Variants in RANBP17 observed in about 807,000 individuals in gnomAD.
The protein encoded by RANBP17 is RAN binding protein 17.
In RANBP17, 158 loss-of-function variants were observed where a neutral mutation model predicts 141.2. That is an observed-to-expected ratio of 1.12 (90% confidence interval 0.98 to 1.28). RANBP17 has a LOEUF of 1.28. Among genes scored for constraint, RANBP17 ranks in the 50% most tolerant of loss-of-function variants. The pLI is 0.00. For synonymous variants in RANBP17, 430 were observed against 450.0 expected (o/e 0.96, Z 0.56); for missense variants, 1,438 against 1,290.7 (o/e 1.11, Z -1.75).
chr5:171,092,547 C>G (rs1786376778), intron 14 of RANBP17, among the ~76,000 whole-genome samples: 1 of 152,170 alleles, frequency 6.6e-6, no homozygotes, highest in Admixed American at 6.6e-5. Flanking sequence ...CTCCAGTTAC[C>G]TGGGTGACCT....
At chr5:170,936,397 C>T (rs936000675) in intron 12 of RANBP17, among the ~76,000 whole-genome samples, 4 of 152,098 alleles carry the variant, frequency 2.6e-5, no homozygotes, top group South Asian at 2.1e-4. Flanking sequence ...TGTTCCTATT[C>T]GGCCATCTTG....
chr5:171,258,009 G>A (rs1766019042), intron 24 of RANBP17, among the ~76,000 whole-genome samples: 1 of 151,950 alleles, frequency 6.6e-6, no homozygotes, highest in Non-Finnish European at 1.5e-5. Context: ...AGGAGGCTGA[G>A]GCAGGAGAAT....
chr5:170,896,738 G>A (rs1770157723), intron 5 of RANBP17, among the ~76,000 whole-genome samples: 1 of 152,226 alleles, frequency 6.6e-6, no homozygotes, highest in East Asian at 1.9e-4. Context: ...GCTGAGGCAG[G>A]AGAATTGCTT....
intron 3 of RANBP17, among the ~76,000 whole-genome samples, chr5:170,882,315 C>T (rs930123191): frequency 1.3e-5 from 2 of 152,076 alleles, no homozygotes; most frequent in Non-Finnish European, 2.9e-5. Context: ...CTCTTGACCT[C>T]GTGATCCGCC....
intron 25 of RANBP17, chr5:171,284,411 G>C (rs189673718): frequency 1.3e-5 from 2 of 152,250 alleles, no homozygotes; most frequent in East Asian, 3.9e-4. Context: ...TGCAGCCTTA[G>C]CCTCCAGGGG....
chr5:171,283,880 G>C (rs965692454), intron 25 of RANBP17, among the ~76,000 whole-genome samples: 38 of 152,194 alleles, frequency 2.5e-4, no homozygotes, highest in Middle Eastern at 3.2e-3. Flanking sequence ...CTCTGTCTCT[G>C]AGAGTTTCTG....
At chr5:170,880,675 C>A (rs1768585082) in intron 2 of RANBP17, among the ~76,000 whole-genome samples, 3 of 152,094 alleles carry the variant, frequency 2.0e-5, no homozygotes, top group Admixed American at 1.3e-4. Flanking sequence ...GTATTGTATT[C>A]TTTTAGGACA....
chr5:171,240,795 T>TA (rs572512476), intron 22 of RANBP17, 133 bp from the exon 23 acceptor site: 133 of 585,248 alleles, frequency 2.3e-4, no homozygotes, highest in East Asian at 3.4e-4. Context: ...TTACAATGAA[T>TA]AAAAAAAAAT....
intron 14 of RANBP17, among the ~76,000 whole-genome samples, chr5:171,165,195 T>C (rs1759605588): frequency 6.6e-6 from 1 of 152,108 alleles, no homozygotes; most frequent in South Asian, 2.1e-4. Flanking sequence ...TTTTTTGTTT[T>C]TTTTGAGATG....
chr5:171,252,817 C>G, intron 24 of RANBP17: 1 of 1,223,628 alleles, frequency 8.2e-7, no homozygotes, highest in Non-Finnish European at 1.2e-6. Context: ...TGGTCCCAGT[C>G]GAGGCCATTG....
At chr5:171,272,517 A>C (rs924111562) in intron 25 of RANBP17, among the ~76,000 whole-genome samples, 3 of 151,758 alleles carry the variant, frequency 2.0e-5, no homozygotes, top group African/African-American at 7.3e-5. Flanking sequence ...AAACTGAGGC[A>C]CAAAAAAAAA....
At chr5:171,122,279 T>G (rs950258664) in intron 14 of RANBP17, among the ~76,000 whole-genome samples, 1 of 152,006 alleles carries the variant, frequency 6.6e-6, no homozygotes, top group African/African-American at 2.4e-5. Flanking sequence ...TGTTGCCTTG[T>G]TTTTTTTCTT....
chr5:171,057,173 G>T (rs1783449497), intron 14 of RANBP17, among the ~76,000 whole-genome samples: 1 of 151,962 alleles, frequency 6.6e-6, no homozygotes, highest in Non-Finnish European at 1.5e-5. Context: ...TTATTCTAAT[G>T]TTCAATTTAT....
intron 25 of RANBP17, among the ~76,000 whole-genome samples, chr5:171,290,086 G>A (rs185207042): frequency 7.8e-4 from 117 of 150,940 alleles, no homozygotes; most frequent in African/African-American, 2.6e-3. Context: ...AGTATGACTC[G>A]GGCCAGACGC....
rs529530149 is a variant in RANBP17 at position 171,062,614 on chromosome 5, T to G, written c.1710+94237T>G. ...AAAATTTTTTCCTTCATTTCAACTT[T>G]GGTGAATCTGACAATTATGTGTCTT... On this transcript the variant is annotated intron_variant, in intron 14 of 27. Transcript: ENST00000523189. Among the ~76,000 whole-genome samples the G allele has an allele frequency of 3.7e-3, 561 of 152,294 alleles. 3 individuals carry two copies. The highest frequency in any genetic ancestry group is 0.024 in the South Asian group (115 of 4,816).
chr5:171,008,878 A>G (rs1309479474), intron 14 of RANBP17, among the ~76,000 whole-genome samples: 1 of 152,112 alleles, frequency 6.6e-6, no homozygotes, highest in African/African-American at 2.4e-5. Flanking sequence ...TAAATGTACC[A>G]CCTTTCTTTA....
chr5:170,866,618 T>C (rs1470578192), intron 1 of RANBP17, among the ~76,000 whole-genome samples: 1 of 150,314 alleles, frequency 6.7e-6, no homozygotes, highest in Non-Finnish European at 1.5e-5. Context: ...GAGCTTGCAG[T>C]GAGCCGAGAT....
chr5:171,013,998 A>G (rs1382407861), intron 14 of RANBP17, among the ~76,000 whole-genome samples: 2 of 152,046 alleles, frequency 1.3e-5, no homozygotes, highest in East Asian at 3.9e-4. Flanking sequence ...GTTTCACTTT[A>G]TATATTTTGA....
At chr5:171,052,916 G>C (rs550494172) in intron 14 of RANBP17, among the ~76,000 whole-genome samples, 2 of 151,874 alleles carry the variant, frequency 1.3e-5, no homozygotes, top group South Asian at 4.2e-4. Context: ...ACAATGGCAC[G>C]ATCTCAGCTC....
Sources: gnomAD v4.1 joint callset for allele counts (sites outside exome capture counted in the v4.1 genomes callset) on GRCh38, gnomAD v4.1.1 for gene constraint, MANE v1.5 for transcripts, NCBI Gene and HGNC (gene_info 2026-07-23, HGNC 2026-07-21) for gene names.